Variants in MPPE1 observed in about 807,000 individuals in gnomAD.
MPPE1 encodes metallo phosphoesterase.
MPPE1 carries 28 observed loss-of-function variants against 43.8 expected under a neutral mutation model. The ratio of observed to expected loss-of-function variants is 0.64; its 90% CI spans 0.47 to 0.88. The LOEUF (loss-of-function observed/expected upper bound fraction) is 0.88. Ranked by LOEUF, MPPE1 falls within the 40% of genes least tolerant of loss-of-function variation. MPPE1 has a pLI of 0.00. For synonymous variants in MPPE1, 159 were observed against 188.5 expected, an observed-to-expected ratio of 0.84 and a Z score of 1.28; for missense variants, 428 against 492.2, an observed-to-expected ratio of 0.87 and a Z score of 1.23.
At chr18:11,905,165 A>G (rs559850729) in intron 2 of MPPE1, 5 of 151,784 alleles carry the variant, frequency 3.3e-5, no homozygotes, top group African/African-American at 1.2e-4. Context: ...AAATTAGCCT[A>G]GTGTAGTAGT....
At chr18:11,902,005 T>C (rs960021203) in intron 2 of MPPE1, among the ~76,000 whole-genome samples, 1 of 152,230 alleles carries the variant, frequency 6.6e-6, no homozygotes, top group Non-Finnish European at 1.5e-5. Context: ...CAAGCTGTAC[T>C]TTATCTTCTT....
At chr18:11,884,804 G>A (rs2036941188) in intron 10 of MPPE1, 177 bp from the exon 11 acceptor site, 8 of 1,388,302 alleles carry the variant, frequency 5.8e-6, no homozygotes, top group Admixed American at 2.9e-5. Context: ...GCTCACCCCC[G>A]ACCAGCCCAG....
intron 10 of MPPE1, chr18:11,885,037 C>G: frequency 7.7e-7 from 1 of 1,294,764 alleles, no homozygotes; most frequent in Non-Finnish European, 1.0e-6. Flanking sequence ...AACTAAGCAT[C>G]TGTTCCCTAG....
chr18:11,885,108 A>C, intron 10 of MPPE1: 1 of 1,153,666 alleles, frequency 8.7e-7, no homozygotes, highest in Non-Finnish European at 1.1e-6. Flanking sequence ...TATGTGGAAC[A>C]ACAGTGGCAA....
intron 6 of MPPE1, among the ~76,000 whole-genome samples, chr18:11,888,267 A>G (rs1192085397): frequency 2.0e-5 from 3 of 152,240 alleles, no homozygotes; most frequent in African/African-American, 7.2e-5. Context: ...ACCAAATCCC[A>G]TAGTAGTTAT....
In MPPE1 at chr18:11,892,273, G is replaced by A. The variant is rs2038074666; in HGVS notation, c.390+1195C>T. Reference sequence around the variant, plus strand: ...GAGAATCGCTTGAACCCAGAAGGCGGAGGTTGCAGTGAGCCAAAATCACAC... The same window carrying A: ...GAGAATCGCTTGAACCCAGAAGGCGAAGGTTGCAGTGAGCCAAAATCACAC... On this transcript the variant is annotated intron_variant, in intron 4 of 10. Transcript: ENST00000588072. 2.0e-5 allele frequency among the ~76,000 whole-genome samples: 3 copies of A among 151,528 alleles called. 1 individual carries two copies. In the South Asian group the frequency reaches 6.2e-4, roughly 31 times the overall value.
chr18:11,900,991 C>T (rs1410579289), intron 2 of MPPE1, among the ~76,000 whole-genome samples: 1 of 150,906 alleles, frequency 6.6e-6, no homozygotes, highest in Non-Finnish European at 1.5e-5. Context: ...AGTTTAAAAC[C>T]TAACGGAAAA....
intron 10 of MPPE1, chr18:11,884,828 A>T: frequency 7.2e-7 from 1 of 1,396,830 alleles, no homozygotes; most frequent in Non-Finnish European, 9.3e-7. Context: ...CCAGCAGGAG[A>T]GACAAGTAAG....
intron 4 of MPPE1, 56 bp from the exon 5 acceptor site, chr18:11,889,546 A>T: frequency 7.5e-7 from 1 of 1,330,262 alleles, no homozygotes; most frequent in Non-Finnish European, 1.0e-6. Context: ...CCCTGTGGCT[A>T]AAAAAACAGG....
At chr18:11,900,716 G>A (rs1176526314) in intron 2 of MPPE1, among the ~76,000 whole-genome samples, 4 of 151,912 alleles carry the variant, frequency 2.6e-5, no homozygotes, top group South Asian at 2.1e-4. Context: ...GACCATCCTG[G>A]CTAACACGGT....
chr18:11,888,096 A>G (rs605961), intron 6 of MPPE1, among the ~76,000 whole-genome samples: 54,556 of 152,108 alleles, frequency 0.36, 11,335 homozygotes, highest in African/African-American at 0.57. Flanking sequence ...TGCTGCAGCC[A>G]CATACACAGC....
chr18:11,892,933 CA>C (rs1021378886), intron 4 of MPPE1: 25 of 153,036 alleles, frequency 1.6e-4, no homozygotes, highest in African/African-American at 6.0e-4. Context: ...AATACCCAGG[CA>C]GGGGTCTCAG....
intron 2 of MPPE1, chr18:11,902,877 A>T (rs1289319093): frequency 1.3e-5 from 2 of 152,344 alleles, no homozygotes; most frequent in Non-Finnish European, 2.9e-5. Context: ...AGAGCAGGAC[A>T]GAGGACATAG....
intron 2 of MPPE1, among the ~76,000 whole-genome samples, chr18:11,900,703 C>G (rs112321814): frequency 0.16 from 23,810 of 151,598 alleles, 1,918 homozygotes; most frequent in South Asian, 0.22. Context: ...GTCAGGAGAT[C>G]GAGACCATCC....
rs1259427844 is a variant in MPPE1 at position 11,884,548 on chromosome 18, C to CCA, written c.1086_1087dup (p.Gly363ValfsTer18). On this transcript the variant is annotated frameshift_variant, in exon 11 of 11. Transcript: ENST00000588072. LOFTEE classifies it low-confidence loss of function (END_TRUNC). The stretch of plus-strand genomic sequence containing the variant: ...GAGGACCACAAGGAAGCCCACCACT[C>CCA]CACAGTAGATGATCAAAACCACATC... 1.9e-6 allele frequency: 3 copies of CCA among 1,613,948 alleles called. No homozygotes were observed. Among genetic ancestry groups the CCA allele is most frequent in the Non-Finnish European group, 2.5e-6 (3 of 1,180,040 alleles).
intron 10 of MPPE1, 138 bp downstream of exon 10, chr18:11,885,538 T>C (rs916283353): frequency 3.0e-6 from 3 of 1,005,698 alleles, no homozygotes; most frequent in Middle Eastern, 3.3e-4. Context: ...GGGCAGTGTA[T>C]GGAGCTACGT....
Position 11,883,159 on chromosome 18 carries a change from GAAA to G in MPPE1, c.*1283_*1285del, listed in dbSNP as rs1214586491. Reference sequence around the variant, plus strand: ...GATTTAAATGCTACTTTTTCATGAAGAAAGGATAACTTTATAGACAGTCAGTGC... The same window carrying G: ...GATTTAAATGCTACTTTTTCATGAAGGGATAACTTTATAGACAGTCAGTGC... On this transcript the variant is annotated 3_prime_UTR_variant, in exon 11 of 11. Coordinates refer to ENST00000588072, the MANE Select transcript of MPPE1 (RefSeq NM_023075.6). 2 of 133,448 alleles carry G rather than the reference GAAA, an allele frequency of 1.5e-5. No individual in the cohort carries two copies. The highest frequency in any genetic ancestry group is 7.0e-5 in the African/African-American group (2 of 28,662). The allele number at this position is 133,448 out of a possible 1,614,324, so 8.3% of individuals were successfully genotyped here.
chr18:11,890,854 T>C (rs1207519032), intron 4 of MPPE1, among the ~76,000 whole-genome samples: 1 of 152,150 alleles, frequency 6.6e-6, no homozygotes, highest in East Asian at 1.9e-4. Context: ...CATTCCCCTA[T>C]GGCTACAACT....
chr18:11,886,465 T>G lies in MPPE1; in HGVS notation c.867+34A>C. 6.2e-7 allele frequency: 1 copy of G among 1,613,998 alleles called. No individual in the cohort carries two copies. The highest frequency in any genetic ancestry group is 8.5e-7 in the Non-Finnish European group (1 of 1,180,014). On this transcript the variant is annotated intron_variant, in intron 9 of 10. Transcript: ENST00000588072. This position sits in a 1 kb window ranked among gnomAD's most constrained non-coding sequence, Gnocchi z 4.1. ...ATGCAAGGTGATGAGAGTCACACTG[T>G]GACATGAATTAGCATCACGACACCC...
Sources: gnomAD v4.1 joint callset for allele counts (sites outside exome capture counted in the v4.1 genomes callset) on GRCh38, gnomAD v4.1.1 for gene constraint, Gnocchi (gnomAD v3.1) non-coding constraint, MANE v1.5 for transcripts, NCBI Gene and HGNC (gene_info 2026-07-23, HGNC 2026-07-21) for gene names.